RXRA: variants seen among roughly 807,000 people sequenced by gnomAD.
RXRA encodes the protein retinoid X receptor alpha.
In RXRA, 5 loss-of-function variants were observed where a neutral mutation model predicts 44.5. The ratio of observed to expected loss-of-function variants is 0.11; its 90% CI spans 0.06 to 0.24. The LOEUF is 0.24. Among genes scored for constraint, RXRA ranks in the 10% least tolerant of loss-of-function variants. The pLI, the probability that RXRA is intolerant of heterozygous loss-of-function variation, is 1.00. For missense variants in RXRA, 412 were observed against 646.5 expected (o/e 0.64, Z 3.93); for synonymous variants, 291 against 271.4 (o/e 1.07, Z -0.71).
At chr9:134,329,329 G>GGGCCT (rs782304936) in intron 1 of RXRA, among the ~76,000 whole-genome samples, 5 of 152,240 alleles carry the variant, frequency 3.3e-5, no homozygotes, top group Non-Finnish European at 5.9e-5. Flanking sequence ...AGTCCCGCTC[G>GGGCCT]GGCCTGACGA....
rs925627415 is a variant in RXRA, at chr9:134,366,448, T to A, written c.29-35184T>A. On this transcript the variant is annotated intron_variant, in intron 1 of 9. Coordinates refer to ENST00000481739, the MANE Select transcript of RXRA (RefSeq NM_002957.6). This position sits in a 1 kb window ranked among gnomAD's most constrained non-coding sequence, Gnocchi z 5.9. Reference sequence around the variant, plus strand: ...CTTACACCAGCGCATCTGCAACTCATTACACAGCGGTGTCGGTGGCAGAGT... The same window carrying A: ...CTTACACCAGCGCATCTGCAACTCAATACACAGCGGTGTCGGTGGCAGAGT... Among the ~76,000 whole-genome samples the A allele has an allele frequency of 6.6e-6, 1 of 152,158 alleles. No homozygotes were observed. Among genetic ancestry groups the A allele is most frequent in the East Asian group, 1.9e-4 (1 of 5,196 alleles).
rs1410137679 is a variant in RXRA, at chr9:134,342,565, G to A, written c.28+15906G>A. ...GGGGGGCAGTGGGTTGGTGCAGGCAGAGTGGTAACAGCAAGCTGTGGGCAA... is the reference window on the plus strand; with the variant it reads ...GGGGGGCAGTGGGTTGGTGCAGGCAAAGTGGTAACAGCAAGCTGTGGGCAA... On this transcript the variant is annotated intron_variant, in intron 1 of 9. Coordinates refer to ENST00000481739, the MANE Select transcript of RXRA (RefSeq NM_002957.6). The surrounding 1 kb of genome is among the most constrained non-coding windows in gnomAD (Gnocchi z 4.4). 2.0e-5 allele frequency among the ~76,000 whole-genome samples: 3 copies of A among 152,244 alleles called. No homozygotes were observed. Among genetic ancestry groups the A allele is most frequent in the African/African-American group, 7.2e-5 (3 of 41,464 alleles).
intron 1 of RXRA, among the ~76,000 whole-genome samples, chr9:134,391,035 C>T (rs529661023): frequency 1.3e-5 from 2 of 152,268 alleles, no homozygotes; most frequent in South Asian, 2.1e-4. Flanking sequence ...CACCGCGTGG[C>T]CCCGGTGGCC....
intron 1 of RXRA, among the ~76,000 whole-genome samples, chr9:134,362,451 G>A (rs1192010039): frequency 1.3e-5 from 2 of 152,326 alleles, no homozygotes; most frequent in South Asian, 2.1e-4. Flanking sequence ...TGTTTCCAGC[G>A]GCTTGTCCAA....
At chr9:134,338,728 C>A (rs549393166) in intron 1 of RXRA, among the ~76,000 whole-genome samples, 1 of 152,338 alleles carries the variant, frequency 6.6e-6, no homozygotes, top group African/African-American at 2.4e-5. Flanking sequence ...CCTCTCCCTG[C>A]AGCCGGCACC....
At chr9:134,345,469 G>A (rs1335612491) in intron 1 of RXRA, among the ~76,000 whole-genome samples, 1 of 152,218 alleles carries the variant, frequency 6.6e-6, no homozygotes, top group Non-Finnish European at 1.5e-5. Flanking sequence ...TGGGGTTGGA[G>A]AAGCCTCAGC....
intron 1 of RXRA, among the ~76,000 whole-genome samples, chr9:134,374,973 G>A (rs545031070): frequency 6.6e-6 from 1 of 152,340 alleles, no homozygotes; most frequent in South Asian, 2.1e-4. Context: ...AGTGGCCATG[G>A]CTCTATCCTC....
chr9:134,381,301 G>C (rs1268215743), intron 1 of RXRA, among the ~76,000 whole-genome samples: 1 of 151,396 alleles, frequency 6.6e-6, no homozygotes, highest in African/African-American at 2.5e-5. Flanking sequence ...GGCCTCACCT[G>C]CTGGTAGAGC....
At chr9:134,356,478 A>G (rs1588261453) in intron 1 of RXRA, among the ~76,000 whole-genome samples, 2 of 152,176 alleles carry the variant, frequency 1.3e-5, no homozygotes, top group East Asian at 1.9e-4. Context: ...TGCAATGCCC[A>G]CCAGGGCTTT....
At position 134,401,731 on chromosome 9, in the gene RXRA, C is replaced by A; in HGVS notation, c.128C>A (p.Ser43Tyr). ...CCGTCCCTGGGGCCTGGCATCGGCT[C>A]CCCGGGACAGCTGCATTCTCCCATC... ...LHPSLGPGIGSPGQLHSPIST... is the reference protein window; with the variant it reads ...LHPSLGPGIGYPGQLHSPIST... The change falls in exon 2 of 10, where the codon TCC becomes TAC. Residue 43 changes from serine (S) to tyrosine (Y), a missense_variant. By Grantham distance (144) the Ser-to-Tyr change is moderately radical (BLOSUM62 -2). Coordinates refer to ENST00000481739, the MANE Select transcript of RXRA (RefSeq NM_002957.6). 1 of 1,613,172 alleles carries A rather than the reference C, an allele frequency of 6.2e-7. No individual in the cohort carries two copies. The highest frequency in any genetic ancestry group is 8.5e-7 in the Non-Finnish European group (1 of 1,179,986).
At chr9:134,435,310 A>T (rs1588312679) in intron 9 of RXRA, among the ~76,000 whole-genome samples, 2 of 151,946 alleles carry the variant, frequency 1.3e-5, no homozygotes, top group African/African-American at 4.8e-5. Context: ...TCCCCATAGC[A>T]CCCTGTCCTC....
intron 2 of RXRA, chr9:134,403,639 A>G (rs3132300): frequency 0.79 from 120,594 of 152,340 alleles, 47,773 homozygotes; most frequent in East Asian, 0.84. Context: ...ATCCTCAGGG[A>G]TGCCTGGTGT....
intron 9 of RXRA, among the ~76,000 whole-genome samples, chr9:134,436,174 A>T (rs192627143): frequency 9.2e-5 from 14 of 152,334 alleles, no homozygotes; most frequent in Admixed American, 8.5e-4. Context: ...CTTCACAAAG[A>T]GCTATTCAGT....
At position 134,422,546 on chromosome 9, in the gene RXRA, C is replaced by A. The variant is rs200409867; in HGVS notation, c.910+741C>A. The A allele has an allele frequency of 1.3e-3, 1,616 of 1,220,474 alleles. 3 individuals carry two copies. Among genetic ancestry groups the A allele is most frequent in the Non-Finnish European group, 1.6e-3 (1,552 of 949,886 alleles). The allele number at this position is 1,220,474 out of a possible 1,614,324, so 75.6% of individuals were successfully genotyped here. A position where few individuals can be genotyped will look rare whatever the true frequency, so the allele number is the denominator to read the frequency against. ...CTCCCCCCTTCCGGGACACTCCCCC[C>A]TCCTGGGACAGTCCCCACTCCCGGG... is the stretch of plus-strand genomic sequence containing the variant. On this transcript the variant is annotated intron_variant, in intron 6 of 9. Transcript: ENST00000481739.
intron 1 of RXRA, among the ~76,000 whole-genome samples, chr9:134,384,681 G>A (rs975055912): frequency 2.6e-5 from 4 of 152,282 alleles, no homozygotes; most frequent in South Asian, 2.1e-4. Context: ...GTACTGGGCC[G>A]TCACCCGGTC....
intron 1 of RXRA, among the ~76,000 whole-genome samples, chr9:134,338,077 C>A (rs1326798764): frequency 6.6e-6 from 1 of 152,190 alleles, no homozygotes; most frequent in Non-Finnish European, 1.5e-5. Flanking sequence ...GCGGCAGCCA[C>A]AGACGACGTA....
In RXRA at chr9:134,387,652, A is replaced by G. The variant is rs1588280204; in HGVS notation, c.29-13980A>G. On this transcript the variant is annotated intron_variant, in intron 1 of 9. Transcript: ENST00000481739. ...GGGGACCACGCAGTCCTTGACCAGG[A>G]CCACCTGCCTCACAGAGCCGTCCAT... 4.6e-5 allele frequency among the ~76,000 whole-genome samples: 7 copies of G among 152,296 alleles called. No homozygotes were observed. The South Asian group carries it at 1.5e-3, about 32-fold the overall frequency.
intron 4 of RXRA, among the ~76,000 whole-genome samples, chr9:134,414,426 G>A (rs768696068): frequency 1.3e-5 from 2 of 152,266 alleles, no homozygotes; most frequent in Non-Finnish European, 2.9e-5. Context: ...GGCCCCCCGT[G>A]TGCTGGCGCT....
At chr9:134,390,051 T>C (rs1013034937) in intron 1 of RXRA, among the ~76,000 whole-genome samples, 2 of 152,104 alleles carry the variant, frequency 1.3e-5, no homozygotes, top group African/African-American at 4.8e-5. Context: ...GTCAGAGCCT[T>C]GATGAGGATG....
Sources: allele counts gnomAD v4.1 joint callset (sites outside exome capture counted in the v4.1 genomes callset), GRCh38; gene constraint gnomAD v4.1.1; non-coding constraint Gnocchi (gnomAD v3.1); transcripts MANE v1.5; gene names NCBI Gene and HGNC (gene_info 2026-07-23, HGNC 2026-07-21).